Variants in CFAP299 observed in about 807,000 individuals in gnomAD.
The protein encoded by CFAP299 is cilia and flagella associated protein 299, also known as cilia- and flagella-associated protein 299.
CFAP299 carries 21 observed loss-of-function variants against 27.0 expected under a neutral mutation model. That is an observed-to-expected ratio of 0.78 (90% CI 0.55 to 1.12). The LOEUF (loss-of-function observed/expected upper bound fraction) is 1.12, where lower values mean the gene tolerates loss of function less well. Ranked by LOEUF, CFAP299 falls within the 50% of genes most tolerant of loss-of-function variation. The pLI is 0.00. For missense variants in CFAP299, 310 were observed against 276.6 expected, an observed-to-expected ratio of 1.12 and a Z score of -0.86; for synonymous variants, 104 against 98.1, an observed-to-expected ratio of 1.06 and a Z score of -0.36.
intron 3 of CFAP299, among the ~76,000 whole-genome samples, chr4:80,837,730 G>C (rs975845518): frequency 1.3e-5 from 2 of 152,108 alleles, no homozygotes; most frequent in Non-Finnish European, 2.9e-5. Context: ...ATTGTGAATA[G>C]TGCTGCAATA....
chr4:80,893,995 G>T (rs894360979), intron 4 of CFAP299, among the ~76,000 whole-genome samples: 1 of 151,460 alleles, frequency 6.6e-6, no homozygotes, highest in Non-Finnish European at 1.5e-5. Context: ...AAATATATAA[G>T]AAACACAAGC....
At chr4:80,550,837 A>G (rs1734478754) in intron 2 of CFAP299, among the ~76,000 whole-genome samples, 1 of 152,036 alleles carries the variant, frequency 6.6e-6, no homozygotes. Context: ...AATCTGAAAA[A>G]CAAAAATTGC....
At chr4:80,863,353 T>C (rs1732500852) in intron 3 of CFAP299, among the ~76,000 whole-genome samples, 1 of 152,156 alleles carries the variant, frequency 6.6e-6, no homozygotes, top group South Asian at 2.1e-4. Flanking sequence ...TGTATTTTAA[T>C]CCACTTCTGG....
chr4:80,932,041 A>T (rs1736651840), intron 4 of CFAP299, among the ~76,000 whole-genome samples: 1 of 152,182 alleles, frequency 6.6e-6, no homozygotes, highest in South Asian at 2.1e-4. Context: ...GAGAAGTCTG[A>T]CATATGGTAG....
intron 3 of CFAP299, chr4:80,608,273 G>A: frequency 9.1e-7 from 1 of 1,102,192 alleles, no homozygotes; most frequent in Non-Finnish European, 1.3e-6. Flanking sequence ...ACTTTAGATA[G>A]GAGATTTGTT....
At chr4:80,778,167 A>AT (rs1469559725) in intron 3 of CFAP299, among the ~76,000 whole-genome samples, 2 of 151,950 alleles carry the variant, frequency 1.3e-5, no homozygotes, top group African/African-American at 2.4e-5. Context: ...GGGTCTCAGG[A>AT]TTTTTTTTAA....
intron 4 of CFAP299, among the ~76,000 whole-genome samples, chr4:80,889,361 T>C (rs981539374): frequency 2.6e-5 from 4 of 151,928 alleles, no homozygotes; most frequent in Non-Finnish European, 4.4e-5. Context: ...TATATGCCTA[T>C]ACATTGAAAA....
chr4:80,894,171 A>G (rs1252643675), intron 4 of CFAP299, among the ~76,000 whole-genome samples: 1 of 151,824 alleles, frequency 6.6e-6, no homozygotes, highest in East Asian at 1.9e-4. Flanking sequence ...ATAAAATATC[A>G]CCTCACACTT....
chr4:80,746,083 G>T (rs984932039), intron 3 of CFAP299, among the ~76,000 whole-genome samples: 1 of 151,974 alleles, frequency 6.6e-6, no homozygotes, highest in Non-Finnish European at 1.5e-5. Context: ...CTTTTCTATA[G>T]ATAGAGAATT....
At chr4:80,390,853 G>GCA (rs1395735758) in intron 2 of CFAP299, among the ~76,000 whole-genome samples, 1 of 114,528 alleles carries the variant, frequency 8.7e-6, no homozygotes, top group African/African-American at 4.0e-5. Context: ...ACACATATAT[G>GCA]TATATGTATA....
intron 2 of CFAP299, among the ~76,000 whole-genome samples, chr4:80,414,433 C>T (rs919386142): frequency 6.6e-6 from 1 of 152,018 alleles, no homozygotes; most frequent in Non-Finnish European, 1.5e-5. Context: ...CATTCCCAAT[C>T]CAATTTTTAA....
chr4:80,942,294 G>T (rs1480989779), intron 4 of CFAP299, among the ~76,000 whole-genome samples: 1 of 152,120 alleles, frequency 6.6e-6, no homozygotes, highest in Non-Finnish European at 1.5e-5. Context: ...ACATGCGTTA[G>T]TCAGTGCAGG....
At chr4:80,473,123 A>T (rs997736550) in intron 2 of CFAP299, among the ~76,000 whole-genome samples, 2 of 152,130 alleles carry the variant, frequency 1.3e-5, no homozygotes, top group Admixed American at 1.3e-4. Context: ...TTACATAAAT[A>T]CAAGAAGGGA....
intron 2 of CFAP299, among the ~76,000 whole-genome samples, chr4:80,449,578 A>G (rs1431577147): frequency 6.6e-6 from 1 of 151,884 alleles, no homozygotes; most frequent in Non-Finnish European, 1.5e-5. Context: ...TGCTTAATAC[A>G]TTCAAGAATT....
chr4:80,447,130 G>GTTTTTTTTTTTTTTTTTT (rs1553923883), intron 2 of CFAP299, among the ~76,000 whole-genome samples: 3 of 105,318 alleles, frequency 2.8e-5, no homozygotes, highest in African/African-American at 8.8e-5. Flanking sequence ...TTTTTTTTTT[G>GTTTTTTTTTTTTTTTTTT]TTTTTTTTTT....
chr4:80,829,126 A>G (rs2110130032), intron 3 of CFAP299, among the ~76,000 whole-genome samples: 1 of 152,170 alleles, frequency 6.6e-6, no homozygotes, highest in Middle Eastern at 3.4e-3. Flanking sequence ...GACACTATCA[A>G]GAGTAAAGAG....
At chr4:80,429,160 T>A (rs1727680998) in intron 2 of CFAP299, among the ~76,000 whole-genome samples, 1 of 152,200 alleles carries the variant, frequency 6.6e-6, no homozygotes, top group Non-Finnish European at 1.5e-5. Context: ...TCAACGAATA[T>A]TATAAAATCA....
rs887713719 is a variant in CFAP299, at chr4:80,636,569, A to G, written c.333+53386A>G. 4.6e-5 allele frequency among the ~76,000 whole-genome samples: 7 copies of G among 152,184 alleles called. No homozygotes were observed. The East Asian group carries it at 1.2e-3, about 25-fold the overall frequency. On this transcript the variant is annotated intron_variant, in intron 3 of 5. Transcript: ENST00000358105. ...TTTCAAATTATAAATGACGATGCTC[A>G]GATACGTTAAGACATGCCTAAAGTG...
intron 3 of CFAP299, among the ~76,000 whole-genome samples, chr4:80,736,075 C>G (rs939634214): frequency 3.9e-5 from 6 of 152,062 alleles, no homozygotes; most frequent in Admixed American, 1.3e-4. Context: ...AGCAGAAGCT[C>G]TTTAGTTTAA....
Sources: allele counts gnomAD v4.1 joint callset (sites outside exome capture counted in the v4.1 genomes callset), GRCh38; gene constraint gnomAD v4.1.1; transcripts MANE v1.5; gene names NCBI Gene and HGNC (gene_info 2026-07-23, HGNC 2026-07-21).